The following GPC5 variants were observed in gnomAD, a reference collection of about 807,000 sequenced individuals.
GPC5 encodes the protein glypican-5.
Under a neutral mutation model 53.9 loss-of-function variants are expected in GPC5, and 47 were observed. The ratio of observed to expected loss-of-function variants is 0.87; its 90% CI spans 0.69 to 1.11. GPC5 has a LOEUF of 1.11. GPC5 is among the 50% of genes most tolerant of loss of function. The probability of loss-of-function intolerance (pLI) is 0.00; values close to 1 mark genes in which losing one functional copy is unlikely to be tolerated. For synonymous variants in GPC5, 286 were observed against 263.3 expected (o/e 1.09, Z -0.84); for missense variants, 748 against 713.1 (o/e 1.05, Z -0.56).
At chr13:92,726,004 A>G (rs1219907667) in intron 7 of GPC5, among the ~76,000 whole-genome samples, 1 of 151,626 alleles carries the variant, frequency 6.6e-6, no homozygotes, top group Non-Finnish European at 1.5e-5. Flanking sequence ...CTGATGCACC[A>G]TCCTGAATAT....
chr13:91,518,048 T>C (rs549812148), intron 2 of GPC5, among the ~76,000 whole-genome samples: 3 of 152,350 alleles, frequency 2.0e-5, no homozygotes, highest in Admixed American at 6.5e-5. Flanking sequence ...CAAAATGATA[T>C]AGTGGTGGAT....
chr13:91,502,044 C>CT (rs1256890104), intron 2 of GPC5, among the ~76,000 whole-genome samples: 1 of 152,156 alleles, frequency 6.6e-6, no homozygotes, highest in African/African-American at 2.4e-5. Flanking sequence ...TAAATGTCTT[C>CT]TTTGAGAAGT....
intron 7 of GPC5, among the ~76,000 whole-genome samples, chr13:92,556,475 G>T (rs115155875): frequency 6.6e-6 from 1 of 151,526 alleles, no homozygotes; most frequent in Non-Finnish European, 1.5e-5. Context: ...TCTTCGATGA[G>T]ATATTTATTA....
At chr13:92,252,723 G>A (rs918668642) in intron 7 of GPC5, among the ~76,000 whole-genome samples, 2 of 152,080 alleles carry the variant, frequency 1.3e-5, no homozygotes, top group African/African-American at 4.8e-5. Flanking sequence ...AAAATGGAAA[G>A]TAGGATTTGG....
intron 6 of GPC5, among the ~76,000 whole-genome samples, chr13:91,930,992 C>T (rs1272159079): frequency 6.6e-6 from 1 of 152,070 alleles, no homozygotes; most frequent in Non-Finnish European, 1.5e-5. Flanking sequence ...AACATTATGT[C>T]TGCTAGCATA....
At chr13:92,606,532 G>A (rs142459195) in intron 7 of GPC5, among the ~76,000 whole-genome samples, 45 of 152,290 alleles carry the variant, frequency 3.0e-4, no homozygotes, top group African/African-American at 8.9e-4. Flanking sequence ...ATTGTGAATA[G>A]TGCTGCAATA....
intron 7 of GPC5, among the ~76,000 whole-genome samples, chr13:92,249,710 G>A (rs532354477): frequency 6.6e-5 from 10 of 152,054 alleles, no homozygotes; most frequent in Admixed American, 4.6e-4. Flanking sequence ...ACATGAGGGT[G>A]AGTAGAGAAT....
At chr13:91,643,829 G>C (rs551429424) in intron 2 of GPC5, among the ~76,000 whole-genome samples, 1 of 152,044 alleles carries the variant, frequency 6.6e-6, no homozygotes, top group African/African-American at 2.4e-5. Context: ...AATGGATTAG[G>C]AGTCTCCATT....
intron 5 of GPC5, among the ~76,000 whole-genome samples, chr13:91,839,798 T>G (rs1023707274): frequency 2.0e-5 from 3 of 152,140 alleles, no homozygotes; most frequent in Admixed American, 6.6e-5. Context: ...GAAGGATGAC[T>G]AATAATTTTT....
At chr13:91,505,224 T>C (rs1156804123) in intron 2 of GPC5, among the ~76,000 whole-genome samples, 4 of 152,136 alleles carry the variant, frequency 2.6e-5, no homozygotes, top group Non-Finnish European at 5.9e-5. Flanking sequence ...CTTGCTCTAA[T>C]AGATACTGAA....
At chr13:92,446,612 G>C (rs943494109) in intron 7 of GPC5, 1 of 151,952 alleles carries the variant, frequency 6.6e-6, no homozygotes, top group South Asian at 2.1e-4. Flanking sequence ...ATATCTCTTC[G>C]ATATACCGAT....
rs145460000 is a variant in GPC5 at position 92,714,277 on chromosome 13, A to C, written c.1562-152005A>C. Among the ~76,000 whole-genome samples, 512 of 152,310 alleles carry C rather than the reference A, an allele frequency of 3.4e-3. 6 individuals are homozygous for C. The highest frequency in any genetic ancestry group is 0.011 in the African/African-American group (471 of 41,568). ...ATCACTTAATGTATATTCCTGCATT[A>C]GATAAGAATACAGATTTTATGGCAT... On this transcript the variant is annotated intron_variant, in intron 7 of 7. Coordinates refer to ENST00000377067, the MANE Select transcript of GPC5 (RefSeq NM_004466.6).
intron 2 of GPC5, among the ~76,000 whole-genome samples, chr13:91,588,589 A>C (rs1450321618): frequency 6.6e-6 from 1 of 152,094 alleles, no homozygotes; most frequent in Non-Finnish European, 1.5e-5. Context: ...CTAACTTAAA[A>C]ATTATACCCT....
At chr13:91,483,183 G>C (rs9515931) in intron 2 of GPC5, among the ~76,000 whole-genome samples, 2 of 152,002 alleles carry the variant, frequency 1.3e-5, no homozygotes, top group African/African-American at 4.8e-5. Context: ...CTTTAGGAAG[G>C]CATCATAGTA....
intron 2 of GPC5, among the ~76,000 whole-genome samples, chr13:91,459,125 G>A (rs1003164902): frequency 6.6e-6 from 1 of 151,826 alleles, no homozygotes; most frequent in Non-Finnish European, 1.5e-5. Flanking sequence ...CTTGGGTGAT[G>A]GGTGCACCAA....
chr13:92,699,251 T>C (rs915857523), intron 7 of GPC5, among the ~76,000 whole-genome samples: 5 of 152,212 alleles, frequency 3.3e-5, no homozygotes, highest in South Asian at 2.1e-4. Flanking sequence ...CTAGTTTTTA[T>C]TTCTGTTGGA....
intron 3 of GPC5, among the ~76,000 whole-genome samples, chr13:91,709,859 G>A (rs1281927709): frequency 1.3e-5 from 2 of 152,110 alleles, no homozygotes; most frequent in Non-Finnish European, 2.9e-5. Flanking sequence ...CACAGCAATT[G>A]TCTCCAAATT....
intron 2 of GPC5, among the ~76,000 whole-genome samples, chr13:91,501,250 T>G (rs1388802477): frequency 2.6e-5 from 4 of 151,662 alleles, no homozygotes; most frequent in African/African-American, 7.3e-5. Flanking sequence ...GTTTTTTTTT[T>G]TTTTTTTTTT....
At chr13:91,655,549 T>C (rs529158198) in intron 2 of GPC5, among the ~76,000 whole-genome samples, 40 of 152,194 alleles carry the variant, frequency 2.6e-4, no homozygotes, top group African/African-American at 8.9e-4. Context: ...TCTCAAAAGA[T>C]ATTTAAAAAT....
Sources: allele counts gnomAD v4.1 joint callset (sites outside exome capture counted in the v4.1 genomes callset), GRCh38; gene constraint gnomAD v4.1.1; transcripts MANE v1.5; gene names NCBI Gene and HGNC (gene_info 2026-07-23, HGNC 2026-07-21).